The following SLC9A9 variants were observed in gnomAD, a reference collection of about 807,000 sequenced individuals.
SLC9A9 encodes sodium/hydrogen exchanger 9.
In SLC9A9, 62 loss-of-function variants were observed where a neutral mutation model predicts 77.8. The observed-to-expected ratio is 0.80, with a 90% CI of 0.65 to 0.98. SLC9A9 has a LOEUF of 0.98. Among genes scored for constraint, SLC9A9 ranks in the 50% least tolerant of loss-of-function variants. The probability of loss-of-function intolerance (pLI) is 0.00; values close to 1 mark genes in which losing one functional copy is unlikely to be tolerated. For synonymous variants in SLC9A9, 320 were observed against 283.5 expected, an observed-to-expected ratio of 1.13 and a Z score of -1.29; for missense variants, 775 against 774.9, an observed-to-expected ratio of 1.00 and a Z score of 0.00.
chr3:143,836,936 C>A (rs938792332), intron 1 of SLC9A9, among the ~76,000 whole-genome samples: 4 of 152,120 alleles, frequency 2.6e-5, no homozygotes, highest in Non-Finnish European at 4.4e-5. Flanking sequence ...TAAGGTATAA[C>A]AAGTATTTAC....
Position 143,317,788 on chromosome 3 carries a change from A to C in SLC9A9, c.1604+45696T>G, listed in dbSNP as rs532539748. Among the ~76,000 whole-genome samples the C allele has an allele frequency of 3.3e-5, 5 of 152,118 alleles. No homozygotes were observed. In the South Asian group the frequency reaches 8.3e-4, roughly 25 times the overall value. ...TGTCACCCAGGCTGGAGTGCAGTGG[A>C]GTGATCTTGGCTCACTGCAAGCTCT... On this transcript the variant is annotated intron_variant, in intron 14 of 15. Coordinates refer to ENST00000316549, the MANE Select transcript of SLC9A9 (RefSeq NM_173653.4).
chr3:143,441,695 G>A (rs1468425415), intron 12 of SLC9A9, among the ~76,000 whole-genome samples: 1 of 151,936 alleles, frequency 6.6e-6, no homozygotes, highest in Non-Finnish European at 1.5e-5. Context: ...GCTCTGGATG[G>A]GCTGTGGTTT....
intron 15 of SLC9A9, among the ~76,000 whole-genome samples, chr3:143,268,657 C>T (rs941609059): frequency 5.8e-5 from 8 of 138,636 alleles, no homozygotes; most frequent in Admixed American, 2.4e-4. Flanking sequence ...GGCATGAACC[C>T]GGGAGGCGGA....
At chr3:143,390,956 C>G (rs2033550787) in intron 12 of SLC9A9, among the ~76,000 whole-genome samples, 2 of 152,194 alleles carry the variant, frequency 1.3e-5, no homozygotes, top group Admixed American at 6.5e-5. Flanking sequence ...GGCTGGGAAG[C>G]TTGAACTAGG....
At chr3:143,790,367 A>T (rs1163340917) in intron 4 of SLC9A9, among the ~76,000 whole-genome samples, 2 of 152,248 alleles carry the variant, frequency 1.3e-5, no homozygotes, top group Admixed American at 6.5e-5. Flanking sequence ...GTAAGAAAAG[A>T]CAGGTTTGAA....
At chr3:143,845,971 G>A (rs1468458771) in intron 1 of SLC9A9, among the ~76,000 whole-genome samples, 2 of 152,160 alleles carry the variant, frequency 1.3e-5, no homozygotes, top group Non-Finnish European at 2.9e-5. Context: ...GCCTTTATCT[G>A]CCTTAAGAAC....
rs2037099322 is a variant in SLC9A9, at chr3:143,562,204, CAA to C, written c.1001-9756_1001-9755del. ...TCTCCTAACAGAGATAAGATATATA[CAA>C]AGACATCTAAAACTGGTAGAATAGT... On this transcript the variant is annotated intron_variant, in intron 8 of 15. Coordinates refer to ENST00000316549, the MANE Select transcript of SLC9A9 (RefSeq NM_173653.4). Among the ~76,000 whole-genome samples the C allele has an allele frequency of 5.9e-5, 9 of 152,276 alleles. No individual in the cohort carries two copies. In the South Asian group the frequency reaches 1.9e-3, roughly 32 times the overall value.
Position 143,266,450 on chromosome 3 carries a change from T to TC in SLC9A9, c.*251dup. ...AGCAGCTAGACTCCTGATACCTCCA[T>TC]CCCCACCCCAGCCAATCCAGTAATC... On this transcript the variant is annotated 3_prime_UTR_variant, in exon 16 of 16. Coordinates refer to ENST00000316549, the MANE Select transcript of SLC9A9 (RefSeq NM_173653.4). The TC allele has an allele frequency of 1.8e-6, 1 of 564,406 alleles. No homozygotes were observed. The allele number at this position is 564,406 out of a possible 1,614,324, so 35.0% of individuals were successfully genotyped here. A position where few individuals can be genotyped will look rare whatever the true frequency, so the allele number is the denominator to read the frequency against.
chr3:143,542,726 T>A (rs1192958359), intron 9 of SLC9A9, among the ~76,000 whole-genome samples: 1 of 152,114 alleles, frequency 6.6e-6, no homozygotes, highest in East Asian at 1.9e-4. Flanking sequence ...TAGCATATAT[T>A]CTCTTCTCTA....
At chr3:143,321,698 G>T (rs561375475) in intron 14 of SLC9A9, among the ~76,000 whole-genome samples, 15 of 152,298 alleles carry the variant, frequency 9.8e-5, no homozygotes, top group Admixed American at 8.5e-4. Context: ...TACATCCATT[G>T]CTCTGAATTA....
intron 8 of SLC9A9, among the ~76,000 whole-genome samples, chr3:143,555,237 T>C (rs1023479851): frequency 8.5e-5 from 13 of 152,222 alleles, no homozygotes; most frequent in African/African-American, 2.9e-4. Flanking sequence ...TCTGCTGCCA[T>C]GTAAGATGTG....
intron 4 of SLC9A9, among the ~76,000 whole-genome samples, chr3:143,790,667 C>A (rs982428916): frequency 1.3e-5 from 2 of 152,124 alleles, no homozygotes; most frequent in Non-Finnish European, 2.9e-5. Flanking sequence ...TAAACTACAG[C>A]ATCTTCATAT....
intron 13 of SLC9A9, among the ~76,000 whole-genome samples, chr3:143,374,298 G>A (rs911147298): frequency 3.6e-4 from 55 of 151,672 alleles, no homozygotes; most frequent in Non-Finnish European, 5.6e-4. Flanking sequence ...GGTGGCGGGC[G>A]CCTGTAGTCC....
chr3:143,716,764 T>C (rs182599268), intron 4 of SLC9A9, among the ~76,000 whole-genome samples: 30 of 152,310 alleles, frequency 2.0e-4, no homozygotes, highest in African/African-American at 7.0e-4. Flanking sequence ...GGGGAGATGC[T>C]GAGTGAGCAA....
intron 9 of SLC9A9, among the ~76,000 whole-genome samples, chr3:143,516,084 C>T (rs2036198112): frequency 6.6e-6 from 1 of 152,056 alleles, no homozygotes; most frequent in Non-Finnish European, 1.5e-5. Flanking sequence ...GGGTTTTTTT[C>T]TTCCTTCAGA....
intron 2 of SLC9A9, among the ~76,000 whole-genome samples, chr3:143,815,667 C>T (rs910515035): frequency 6.6e-6 from 1 of 151,948 alleles, no homozygotes; most frequent in Non-Finnish European, 1.5e-5. Flanking sequence ...AGATGGAGAC[C>T]ATCCTGGCCA....
intron 12 of SLC9A9, among the ~76,000 whole-genome samples, chr3:143,401,648 G>A (rs1011722890): frequency 2.6e-5 from 4 of 152,034 alleles, no homozygotes; most frequent in Non-Finnish European, 4.4e-5. Context: ...GTTTCTCTAA[G>A]GTACCTGAAT....
At chr3:143,281,005 G>T (rs1332549179) in intron 14 of SLC9A9, among the ~76,000 whole-genome samples, 1 of 152,156 alleles carries the variant, frequency 6.6e-6, no homozygotes. Context: ...TTGCTAGCTA[G>T]TATCTGCCAA....
chr3:143,439,684 C>T (rs1037892087), intron 12 of SLC9A9, among the ~76,000 whole-genome samples: 1 of 152,096 alleles, frequency 6.6e-6, no homozygotes, highest in Non-Finnish European at 1.5e-5. Context: ...GTCATTCTTC[C>T]CTGTATCCCC....
Sources: allele counts gnomAD v4.1 joint callset (sites outside exome capture counted in the v4.1 genomes callset), GRCh38; gene constraint gnomAD v4.1.1; transcripts MANE v1.5; gene names NCBI Gene and HGNC (gene_info 2026-07-23, HGNC 2026-07-21).